ASPSCR1: variants seen among roughly 807,000 people sequenced by gnomAD.
ASPSCR1 encodes the protein tether containing UBX domain for GLUT4.
Under a neutral mutation model 68.9 loss-of-function variants are expected in ASPSCR1, and 55 were observed. The ratio of observed to expected loss-of-function variants is 0.80; its 90% CI spans 0.64 to 1.00. The LOEUF (loss-of-function observed/expected upper bound fraction) is 1.00. Among genes scored for constraint, ASPSCR1 ranks in the 50% least tolerant of loss-of-function variants. The probability of loss-of-function intolerance (pLI) is 0.00; values close to 1 mark genes in which losing one functional copy is unlikely to be tolerated. For missense variants in ASPSCR1, 765 were observed against 762.2 expected (o/e 1.00, Z -0.04); for synonymous variants, 352 against 332.6 (o/e 1.06, Z -0.63).
chr17:81,984,926 C>T (rs1227266232), intron 3 of ASPSCR1, among the ~76,000 whole-genome samples: 2 of 124,684 alleles, frequency 1.6e-5, no homozygotes, highest in South Asian at 2.9e-4. Flanking sequence ...AACGTGCACA[C>T]ACCCCCACAC....
rs375365227 is a variant in ASPSCR1, at chr17:82,010,742, C to T, written c.1171-60C>T. ...CAGCATGGGCCGAGTGGGGAGGCCA[C>T]GCCCTGGTCCCTGGTGCAGCTCCGG... On this transcript the variant is annotated intron_variant, in intron 9 of 15. Transcript: ENST00000306739. 7.1e-5 allele frequency: 111 copies of T among 1,558,770 alleles called. No homozygotes were observed. The Middle Eastern group carries it at 1.0e-3, about 15-fold the overall frequency.
At chr17:81,992,107 C>T (rs574140705) in intron 4 of ASPSCR1, among the ~76,000 whole-genome samples, 18 of 152,224 alleles carry the variant, frequency 1.2e-4, no homozygotes, top group Non-Finnish European at 2.2e-4. Context: ...CAGGCACCCG[C>T]GGAAGCGCCC....
At position 81,982,305 on chromosome 17, in the gene ASPSCR1, G is replaced by C. The variant is rs537961452; in HGVS notation, c.159-1249G>C. Among the ~76,000 whole-genome samples, 18 of 152,370 alleles carry C rather than the reference G, an allele frequency of 1.2e-4. No homozygotes were observed. The South Asian group carries it at 3.3e-3, about 28-fold the overall frequency. ...CTCAGTGTTCACCTGCCCGTGGTCTGTGTGGTGGTGTCTGGTGGGAACCAG... is the reference window on the plus strand; with the variant it reads ...CTCAGTGTTCACCTGCCCGTGGTCTCTGTGGTGGTGTCTGGTGGGAACCAG... On this transcript the variant is annotated intron_variant, in intron 2 of 15. Coordinates refer to ENST00000306739, the MANE Select transcript of ASPSCR1 (RefSeq NM_024083.4).
chr17:81,992,339 T>A (rs1188649857), intron 4 of ASPSCR1, among the ~76,000 whole-genome samples: 2 of 152,282 alleles, frequency 1.3e-5, no homozygotes, highest in Non-Finnish European at 2.9e-5. Flanking sequence ...TGGAACCGAT[T>A]GCCCACCACC....
intron 10 of ASPSCR1, 56 bp downstream of exon 10, chr17:82,010,924 C>T (rs1371088356): frequency 3.9e-5 from 62 of 1,576,574 alleles, no homozygotes; most frequent in Non-Finnish European, 5.4e-5. Context: ...TGGGGCCTCT[C>T]CCGGCTCCTT....
intron 4 of ASPSCR1, among the ~76,000 whole-genome samples, chr17:81,992,200 C>G (rs2042192257): frequency 6.6e-6 from 1 of 152,202 alleles, no homozygotes; most frequent in South Asian, 2.1e-4. Flanking sequence ...GGCCCTGGGT[C>G]TTGCCCCTGC....
chr17:82,015,039 G>A, intron 12 of ASPSCR1: 1 of 1,567,228 alleles, frequency 6.4e-7, no homozygotes, highest in Non-Finnish European at 8.6e-7. Context: ...CCCTGCTCTG[G>A]CTGGGGGGAC....
At chr17:82,010,473 G>A (rs1322812030) in intron 9 of ASPSCR1, among the ~76,000 whole-genome samples, 1 of 148,946 alleles carries the variant, frequency 6.7e-6, no homozygotes, top group Non-Finnish European at 1.5e-5. Flanking sequence ...AGCTTACAGT[G>A]AGCCGAGATC....
chr17:81,993,643 C>T (rs1349224249), intron 4 of ASPSCR1, among the ~76,000 whole-genome samples: 4 of 152,362 alleles, frequency 2.6e-5, no homozygotes, highest in East Asian at 3.9e-4. Context: ...CCCAGCATCC[C>T]GCTCTGTGCA....
chr17:82,002,219 C>T (rs1026866678), intron 7 of ASPSCR1, among the ~76,000 whole-genome samples: 4 of 149,820 alleles, frequency 2.7e-5, no homozygotes, highest in Admixed American at 2.0e-4. Context: ...CTTATGAGTA[C>T]CTCATGCTTT....
intron 9 of ASPSCR1, among the ~76,000 whole-genome samples, chr17:82,010,481 A>G (rs549470868): frequency 7.4e-5 from 11 of 149,592 alleles, no homozygotes; most frequent in Non-Finnish European, 1.5e-4. Flanking sequence ...GTGAGCCGAG[A>G]TCATGCCACT....
At chr17:81,979,143 T>C in intron 1 of ASPSCR1, 41 bp from the exon 2 acceptor site, 2 of 1,610,596 alleles carry the variant, frequency 1.2e-6, no homozygotes, top group Non-Finnish European at 1.7e-6. Context: ...CCGCCAGCCC[T>C]GCACACTCAG....
At position 82,009,554 on chromosome 17, in the gene ASPSCR1, A is replaced by C; in HGVS notation, c.1157A>C (p.Glu386Ala). The C allele has an allele frequency of 7.6e-7, 1 of 1,309,026 alleles. No homozygotes were observed. The highest frequency in any genetic ancestry group is 9.9e-7 in the Non-Finnish European group (1 of 1,011,500). The allele number at this position is 1,309,026 out of a possible 1,614,324, so 81.1% of individuals were successfully genotyped here. The change falls in exon 9 of 16, where the codon GAG becomes GCG. Residue 386 changes from glutamate (E) to alanine (A), a missense_variant. By Grantham distance (107) the Glu-to-Ala change is moderately radical. Coordinates refer to ENST00000306739, the MANE Select transcript of ASPSCR1 (RefSeq NM_024083.4). ...FREAQIKEKL[E>A]RYPKVALRVL... ...GAGGCGCAGATAAAGGAGAAGCTGG[A>C]GCGCTACCCAAAGGTCTGCAGACAG...
rs1336332221 is a variant in ASPSCR1, at chr17:82,012,736, G to GC, written c.1353+459dup. On this transcript the variant is annotated intron_variant, in intron 12 of 15. Transcript: ENST00000306739. ...TCCCCCTGCCCGGCCTCTCCCGCTGGCCCCCCGGTCCCTGCTAGGAACGCC... is the reference window on the plus strand; with the variant it reads ...TCCCCCTGCCCGGCCTCTCCCGCTGGCCCCCCCGGTCCCTGCTAGGAACGCC... 8 of 180,212 alleles carry GC rather than the reference G, an allele frequency of 4.4e-5. No homozygotes were observed. In the East Asian group the frequency reaches 8.1e-4, roughly 18 times the overall value. 11.2% of individuals were successfully genotyped at this position (180,212 alleles called of 1,614,324 possible).
chr17:82,004,026 G>A (rs1170307523), intron 7 of ASPSCR1, among the ~76,000 whole-genome samples: 1 of 152,272 alleles, frequency 6.6e-6, no homozygotes, highest in Non-Finnish European at 1.5e-5. Flanking sequence ...AACCCTCAGA[G>A]ACGCTGGAAA....
chr17:82,011,801 G>A (rs1179098875), intron 11 of ASPSCR1, among the ~76,000 whole-genome samples, 196 bp downstream of exon 11: 3 of 152,116 alleles, frequency 2.0e-5, no homozygotes, highest in African/African-American at 4.8e-5. Context: ...CGAGCCAGGC[G>A]GTGGGAGCCA....
At chr17:82,012,204 T>G in intron 11 of ASPSCR1, 27 bp from the exon 12 acceptor site, 1 of 1,611,068 alleles carries the variant, frequency 6.2e-7, no homozygotes, top group Non-Finnish European at 8.5e-7. Context: ...CGGTGCTTCC[T>G]AACACGTAGG....
chr17:82,011,734 C>A, intron 11 of ASPSCR1, 129 bp downstream of exon 11: 1 of 998,776 alleles, frequency 1.0e-6, no homozygotes, highest in Non-Finnish European at 1.5e-6. Flanking sequence ...GCCTCCCGCC[C>A]AGGTGCCTCC....
intron 7 of ASPSCR1, chr17:82,006,157 TGTGGGTGCAC>T (rs1369568351): frequency 2.0e-5 from 3 of 149,462 alleles, no homozygotes; most frequent in Non-Finnish European, 4.4e-5. Context: ...TGCATGTCCT[TGTGGGTGCAC>T]GTGTGTGCAC....
Sources: allele counts gnomAD v4.1 joint callset (sites outside exome capture counted in the v4.1 genomes callset), GRCh38; gene constraint gnomAD v4.1.1; transcripts MANE v1.5; gene names NCBI Gene and HGNC (gene_info 2026-07-23, HGNC 2026-07-21).